Variants in TBC1D21 observed in about 807,000 individuals in gnomAD.
The protein encoded by TBC1D21 is male germ cell Rab GTPase-activating protein.
TBC1D21 carries 38 observed loss-of-function variants against 46.0 expected under a neutral mutation model. The ratio of observed to expected loss-of-function variants is 0.83; its 90% confidence interval spans 0.64 to 1.08. The LOEUF (loss-of-function observed/expected upper bound fraction) is 1.08, where lower values mean the gene tolerates loss of function less well. Among genes scored for constraint, TBC1D21 ranks in the 50% least tolerant of loss-of-function variants. The probability of loss-of-function intolerance (pLI) is 0.00; values close to 1 mark genes in which losing one functional copy is unlikely to be tolerated. For synonymous variants in TBC1D21, 151 were observed against 157.2 expected (o/e 0.96, Z 0.29); for missense variants, 415 against 417.9 (o/e 0.99, Z 0.06).
At chr15:73,887,448 CTGAG>C (rs2068267976) in intron 8 of TBC1D21, among the ~76,000 whole-genome samples, 168 bp from the exon 9 acceptor site, 1 of 152,106 alleles carries the variant, frequency 6.6e-6, no homozygotes, top group African/African-American at 2.4e-5. Context: ...GAGCACATGC[CTGAG>C]TGAGTGGATG....
chr15:73,886,469 A>G (rs752934064), intron 7 of TBC1D21, 43 bp from the exon 8 acceptor site: 1 of 1,565,308 alleles, frequency 6.4e-7, no homozygotes, highest in South Asian at 1.1e-5. Context: ...GCTGCATCAT[A>G]TGTGTTTTCC....
At chr15:73,897,890 G>C in the TBC1D21 span, among the ~76,000 whole-genome samples, 1 of 152,206 alleles carries the variant, frequency 6.6e-6, no homozygotes, top group Admixed American at 6.5e-5. Flanking sequence ...AGCAGCCCTA[G>C]GACCCTGTGA....
the TBC1D21 span, among the ~76,000 whole-genome samples, chr15:73,898,879 AAATATATAT>A: frequency 8.9e-6 from 1 of 112,950 alleles, no homozygotes; most frequent in Non-Finnish European, 1.7e-5. Context: ...AAAAAAAAAA[AAATATATAT>A]ATATATATAT....
At chr15:73,907,643 C>A in the TBC1D21 span, among the ~76,000 whole-genome samples, 1 of 152,198 alleles carries the variant, frequency 6.6e-6, no homozygotes, top group Non-Finnish European at 1.5e-5. Flanking sequence ...CTGCTGATGG[C>A]CTCTTCCATC....
At chr15:73,899,627 C>T in the TBC1D21 span, among the ~76,000 whole-genome samples, 13 of 151,998 alleles carry the variant, frequency 8.6e-5, 1 homozygote, top group African/African-American at 2.9e-4. Flanking sequence ...GGAGCCCAGG[C>T]GGAATCAGAG....
At chr15:73,897,583 C>T in the TBC1D21 span, among the ~76,000 whole-genome samples, 1 of 152,190 alleles carries the variant, frequency 6.6e-6, no homozygotes, top group African/African-American at 2.4e-5. Context: ...ACAGAGGGCG[C>T]TCCTCCTCCT....
chr15:73,883,042 C>A (rs1176647031), intron 3 of TBC1D21, among the ~76,000 whole-genome samples: 1 of 152,264 alleles, frequency 6.6e-6, no homozygotes, highest in Non-Finnish European at 1.5e-5. Context: ...ACTGACTCCA[C>A]TGCTGAAAAT....
rs1290096056 is a variant in TBC1D21, at chr15:73,884,198, T to C, written c.320T>C (p.Leu107Pro). 3.1e-6 allele frequency: 5 copies of C among 1,614,106 alleles called. No individual in the cohort carries two copies. The Admixed American group carries it at 6.7e-5, about 22-fold the overall frequency. The change falls in exon 4 of 11, where the codon CTT becomes CCT. Residue 107 changes from leucine to proline, a missense_variant. Coordinates refer to ENST00000300504, the MANE Select transcript of TBC1D21 (RefSeq NM_153356.3). ...CAAATGTATGAGAAGATTCAGCCCCTTCTGGAAAACCTGCACCGGAACTTC... is the reference window on the plus strand; with the variant it reads ...CAAATGTATGAGAAGATTCAGCCCCCTCTGGAAAACCTGCACCGGAACTTC... ...LCQMYEKIQP[L>P]LENLHRNFTE...
chr15:73,891,542 A>G (rs941949659), downstream of TBC1D21, among the ~76,000 whole-genome samples: 1 of 152,116 alleles, frequency 6.6e-6, no homozygotes, highest in African/African-American at 2.4e-5. Flanking sequence ...CCTCCCTGGC[A>G]CAGCTGCAGC....
chr15:73,875,625 A>C (rs1410725327), intron 1 of TBC1D21, among the ~76,000 whole-genome samples: 1 of 152,124 alleles, frequency 6.6e-6, no homozygotes, highest in Non-Finnish European at 1.5e-5. Flanking sequence ...CAGGGGAAGA[A>C]TGGCCAAGGC....
At chr15:73,900,703 A>T in the TBC1D21 span, among the ~76,000 whole-genome samples, 1 of 152,150 alleles carries the variant, frequency 6.6e-6, no homozygotes, top group Admixed American at 6.5e-5. Context: ...TCTTGTTTTT[A>T]AAAAAACTGA....
chr15:73,894,590 C>A, the TBC1D21 span, among the ~76,000 whole-genome samples: 1 of 152,084 alleles, frequency 6.6e-6, no homozygotes. Flanking sequence ...GTGTGGGGAC[C>A]CAAGATGGGG....
In TBC1D21 at chr15:73,886,245, C is replaced by T. The variant is rs960519442; in HGVS notation, c.676+71C>T. ...GGGAAGGGGGCTGGGACCCAACTGT[C>T]AGTCCCTAATCATGGGGGGGCTGGA... On this transcript the variant is annotated intron_variant, in intron 7 of 10. Coordinates refer to ENST00000300504, the MANE Select transcript of TBC1D21 (RefSeq NM_153356.3). 3.5e-5 allele frequency: 48 copies of T among 1,373,664 alleles called. No individual in the cohort carries two copies. In the Admixed American group the frequency reaches 7.9e-4, roughly 23 times the overall value. 85.1% of individuals were successfully genotyped at this position (1,373,664 alleles called of 1,614,324 possible).
At position 73,885,000 on chromosome 15, in the gene TBC1D21, C is replaced by T. The variant is rs2068218994; in HGVS notation, c.479-3C>T. 9.9e-6 allele frequency: 16 copies of T among 1,613,476 alleles called. No homozygotes were observed. Among genetic ancestry groups the T allele is most frequent in the Non-Finnish European group, 1.1e-5 (13 of 1,179,766 alleles). ...CTCCTCCCCAACCCCCTCTTCGCCA[C>T]AGAGTACCAGCAGGGCTTCCATGAG... On this transcript the variant is annotated splice_region_variant and splice_polypyrimidine_tract_variant and intron_variant, in intron 5 of 10. Coordinates refer to ENST00000300504, the MANE Select transcript of TBC1D21 (RefSeq NM_153356.3).
At chr15:73,895,891 C>T in the TBC1D21 span, among the ~76,000 whole-genome samples, 3 of 152,144 alleles carry the variant, frequency 2.0e-5, no homozygotes, top group African/African-American at 7.2e-5. Context: ...TCTTCTCTGC[C>T]CGGGCTCCTC....
At chr15:73,877,546 A>G (rs1414691587) in intron 1 of TBC1D21, among the ~76,000 whole-genome samples, 2 of 62,484 alleles carry the variant, frequency 3.2e-5, no homozygotes, top group South Asian at 1.3e-3. Flanking sequence ...AAAAAAAAAA[A>G]AAAAGAAATC....
chr15:73,900,074 G>A, the TBC1D21 span, among the ~76,000 whole-genome samples: 4 of 152,206 alleles, frequency 2.6e-5, no homozygotes, highest in African/African-American at 9.6e-5. Flanking sequence ...ATGTGACTGT[G>A]AGTTGGGTGT....
chr15:73,890,035 A>C (rs577787718), downstream of TBC1D21, among the ~76,000 whole-genome samples: 5 of 152,338 alleles, frequency 3.3e-5, no homozygotes, highest in African/African-American at 1.2e-4. Context: ...ACACGAATGC[A>C]CACACATACA....
At chr15:73,893,311 C>G (rs2068351642), downstream of TBC1D21, among the ~76,000 whole-genome samples, 1 of 152,158 alleles carries the variant, frequency 6.6e-6, no homozygotes, top group Admixed American at 6.5e-5. Flanking sequence ...TTCCAATGAG[C>G]AAGGCCTAGA....
Sources: allele counts gnomAD v4.1 joint callset (sites outside exome capture counted in the v4.1 genomes callset), GRCh38; gene constraint gnomAD v4.1.1; transcripts MANE v1.5; gene names NCBI Gene and HGNC (gene_info 2026-07-23, HGNC 2026-07-21).